Variants in PCDHA3 observed in about 807,000 individuals in gnomAD.
PCDHA3 encodes the protein protocadherin alpha 3, also known as protocadherin alpha-3.
PCDHA3 carries 41 observed loss-of-function variants against 62.2 expected under a neutral mutation model. That is an observed-to-expected ratio of 0.66 (90% CI 0.51 to 0.86). The LOEUF (loss-of-function observed/expected upper bound fraction) is 0.86, where lower values mean the gene tolerates loss of function less well. Ranked by LOEUF, PCDHA3 falls within the 40% of genes least tolerant of loss-of-function variation. PCDHA3 has a pLI of 0.00. For missense variants in PCDHA3, 1,304 were observed against 1,241.2 expected (o/e 1.05, Z -0.76); for synonymous variants, 640 against 555.4 (o/e 1.15, Z -2.14).
At chr5:140,805,608 T>C in intron 1 of PCDHA3, 5 of 921,526 alleles carry the variant, frequency 5.4e-6, no homozygotes, top group Non-Finnish European at 6.5e-6. Context: ...ATTAAATTTC[T>C]TTATGTAAGA....
At chr5:140,925,190 A>G (rs2082378036) in intron 1 of PCDHA3, among the ~76,000 whole-genome samples, 1 of 152,192 alleles carries the variant, frequency 6.6e-6, no homozygotes, top group Non-Finnish European at 1.5e-5. Context: ...ACCATCACCC[A>G]GCTTCAATAA....
rs1013385082 is a variant in PCDHA3 at position 140,821,701 on chromosome 5, T to C, written c.2394+18110T>C. ...AGGCGATAATATAAAAAATATATAG[T>C]TAATTGGGAATTGAATTTACAAAAT... On this transcript the variant is annotated intron_variant, in intron 1 of 3. Coordinates refer to ENST00000522353, the MANE Select transcript of PCDHA3 (RefSeq NM_018906.3). 1.6e-5 allele frequency: 23 copies of C among 1,421,100 alleles called. No homozygotes were observed. The African/African-American group carries it at 3.2e-4, about 20-fold the overall frequency. 88.0% of individuals were successfully genotyped at this position (1,421,100 alleles called of 1,614,324 possible). A position where few individuals can be genotyped will look rare whatever the true frequency, so the allele number is the denominator to read the frequency against.
intron 1 of PCDHA3, chr5:140,967,413 A>G: frequency 6.2e-7 from 1 of 1,613,218 alleles, no homozygotes; most frequent in Non-Finnish European, 8.5e-7. Context: ...AAGGGCCTAG[A>G]CCGGGAGCAG....
At chr5:140,856,168 C>G in intron 1 of PCDHA3, 1 of 1,598,314 alleles carries the variant, frequency 6.3e-7, no homozygotes, top group Non-Finnish European at 8.6e-7. Context: ...AGGCCAGACA[C>G]GGCACCTTCG....
intron 1 of PCDHA3, chr5:140,808,226 G>A (rs781997351): frequency 3.7e-6 from 6 of 1,614,116 alleles, no homozygotes; most frequent in Non-Finnish European, 5.1e-6. Flanking sequence ...CAACGATAAT[G>A]TCCCAGATTT....
intron 3 of PCDHA3, among the ~76,000 whole-genome samples, chr5:140,999,132 T>TC (rs2153955890): frequency 6.6e-6 from 1 of 152,278 alleles, no homozygotes; most frequent in African/African-American, 2.4e-5. Context: ...CTGGAAAATG[T>TC]CACAGCCGGA....
intron 1 of PCDHA3, among the ~76,000 whole-genome samples, chr5:140,832,954 A>G (rs1349608970): frequency 1.3e-5 from 2 of 152,204 alleles, no homozygotes; most frequent in Non-Finnish European, 2.9e-5. Flanking sequence ...AAGTGAGTAT[A>G]CAGAAAATTC....
At chr5:140,964,227 G>A (rs1245581815) in intron 1 of PCDHA3, among the ~76,000 whole-genome samples, 1 of 152,222 alleles carries the variant, frequency 6.6e-6, no homozygotes, top group African/African-American at 2.4e-5. Context: ...CTTTCAAAAT[G>A]AGGCTGATTG....
chr5:140,944,058 G>A (rs185843356), intron 1 of PCDHA3, among the ~76,000 whole-genome samples: 116 of 152,248 alleles, frequency 7.6e-4, no homozygotes, highest in African/African-American at 2.7e-3. Flanking sequence ...ATACAAAAAG[G>A]TTTCTTGTTA....
At position 141,011,769 on chromosome 5, in the gene PCDHA3, A is replaced by C. The variant is rs2098421803; in HGVS notation, c.*1832A>C. 1 of 153,794 alleles carries C rather than the reference A, an allele frequency of 6.5e-6. No homozygotes were observed. The highest frequency in any genetic ancestry group is 1.5e-5 in the Non-Finnish European group (1 of 68,040). 9.5% of individuals were successfully genotyped at this position (153,794 alleles called of 1,614,324 possible). On this transcript the variant is annotated 3_prime_UTR_variant, in exon 4 of 4. Coordinates refer to ENST00000522353, the MANE Select transcript of PCDHA3 (RefSeq NM_018906.3). ...AATCTGACCTCTTTGAAGTTGCAGA[A>C]TGCTTTGAAATTCTAATGGTATCTG... is the stretch of plus-strand genomic sequence containing the variant.
chr5:140,802,658 C>A lies in PCDHA3; in HGVS notation c.1461C>A (p.Asn487Lys). 1 of 1,613,590 alleles carries A rather than the reference C, an allele frequency of 6.2e-7. No homozygotes were observed. The highest frequency in any genetic ancestry group is 8.5e-7 in the Non-Finnish European group (1 of 1,179,874). Residue 487 changes from asparagine (N) to lysine (K), a missense_variant, in exon 1 of 4, where the codon AAC (asparagine) becomes AAA (lysine). By Grantham distance (94) the Asn-to-Lys change is moderately conservative. Coordinates refer to ENST00000522353, the MANE Select transcript of PCDHA3 (RefSeq NM_018906.3). ...CGCGGGACGCGGACGCGCAGGAGAA[C>A]GCCCTGGTGTCCTACTCGCTGGTGG... is the stretch of plus-strand genomic sequence containing the variant. The part of the protein sequence containing the change: ...VSARDADAQE[N>K]ALVSYSLVER...
intron 1 of PCDHA3, chr5:140,884,459 G>A (rs530412188): frequency 8.1e-6 from 13 of 1,613,636 alleles, no homozygotes; most frequent in Non-Finnish European, 1.0e-5. Flanking sequence ...CACCGAGGGC[G>A]CGTGCGCGCC....
intron 1 of PCDHA3, among the ~76,000 whole-genome samples, chr5:140,946,631 T>TATATATATATATATACACAC (rs57893927): frequency 7.6e-6 from 1 of 131,856 alleles, no homozygotes; most frequent in East Asian, 2.1e-4. Flanking sequence ...TATATATATA[T>TATATATATATATATACACAC]ACAATGGAAT....
chr5:140,957,407 A>G lies in PCDHA3; in HGVS notation c.2395-21542A>G, dbSNP rs570373783. On this transcript the variant is annotated intron_variant, in intron 1 of 3. Coordinates refer to ENST00000522353, the MANE Select transcript of PCDHA3 (RefSeq NM_018906.3). ...GTTATAATTGTCCTAATTTATTATT[A>G]TTGTTGTTAATCTTTTACTGTGCCT... Among the ~76,000 whole-genome samples, 13 of 152,274 alleles carry G rather than the reference A, an allele frequency of 8.5e-5. No homozygotes were observed. The South Asian group carries it at 2.7e-3, about 32-fold the overall frequency.
intron 3 of PCDHA3, among the ~76,000 whole-genome samples, chr5:141,006,862 A>G (rs1188678069): frequency 4.6e-5 from 7 of 152,244 alleles, no homozygotes; most frequent in Non-Finnish European, 1.0e-4. Flanking sequence ...TTAGAAAGGA[A>G]TAGATTCGAG....
intron 1 of PCDHA3, among the ~76,000 whole-genome samples, chr5:140,818,508 G>T (rs1766375176): frequency 6.6e-6 from 1 of 152,176 alleles, no homozygotes; most frequent in East Asian, 1.9e-4. Flanking sequence ...TTTAAAATCA[G>T]ATATAACCTG....
chr5:140,870,310 T>G, intron 1 of PCDHA3: 1 of 1,614,122 alleles, frequency 6.2e-7, no homozygotes, highest in South Asian at 1.1e-5. Flanking sequence ...CTTCAAGAAT[T>G]ACTACTCGTT....
chr5:140,808,153 C>G, intron 1 of PCDHA3: 1 of 1,614,034 alleles, frequency 6.2e-7, no homozygotes, highest in Non-Finnish European at 8.5e-7. Flanking sequence ...TTGTAGAGGG[C>G]ATTGATAAGG....
At position 140,802,753 on chromosome 5, in the gene PCDHA3, C is replaced by A. The variant is rs782212948; in HGVS notation, c.1556C>A (p.Ala519Glu). The change falls in exon 1 of 4, where the codon GCG (alanine) becomes GAG (glutamate). Residue 519 changes from alanine (A) to glutamate (E), a missense_variant. Transcript: ENST00000522353. ...SVHAESGKVY[A>E]LQPLDHEELE... ...CACGCGGAGAGCGGCAAGGTGTACG[C>A]GCTGCAGCCGCTGGACCACGAGGAG... 4.3e-6 allele frequency: 7 copies of A among 1,612,424 alleles called. No homozygotes were observed. Among genetic ancestry groups the A allele is most frequent in the African/African-American group, 2.7e-5 (2 of 74,900 alleles).
Sources: allele counts gnomAD v4.1 joint callset (sites outside exome capture counted in the v4.1 genomes callset), GRCh38; gene constraint gnomAD v4.1.1; transcripts MANE v1.5; gene names NCBI Gene and HGNC (gene_info 2026-07-23, HGNC 2026-07-21).